Variants in NBAS observed in about 807,000 individuals in gnomAD.
NBAS encodes NAG/BC035112 fusion.
NBAS carries 219 observed loss-of-function variants against 302.5 expected under a neutral mutation model. That is an observed-to-expected ratio of 0.72 (90% confidence interval 0.65 to 0.81). The LOEUF (loss-of-function observed/expected upper bound fraction) is 0.81. Ranked by LOEUF, NBAS falls within the 30% of genes least tolerant of loss-of-function variation. The probability of loss-of-function intolerance (pLI) is 0.00; values close to 1 mark genes in which losing one functional copy is unlikely to be tolerated. For missense variants in NBAS, 2,932 were observed against 2,841.6 expected, an observed-to-expected ratio of 1.03 and a Z score of -0.72; for synonymous variants, 1,118 against 1,021.6, an observed-to-expected ratio of 1.09 and a Z score of -1.80.
intron 35 of NBAS, among the ~76,000 whole-genome samples, chr2:15,337,963 C>T (rs1005030597): frequency 6.6e-6 from 1 of 152,170 alleles, no homozygotes; most frequent in Non-Finnish European, 1.5e-5. Flanking sequence ...CTCAAAACCA[C>T]GTCATTGGTT....
intron 25 of NBAS, among the ~76,000 whole-genome samples, chr2:15,403,864 C>CGTGTGTGTGTGT (rs10624311): frequency 1.2e-3 from 162 of 135,436 alleles, no homozygotes; most frequent in East Asian, 1.9e-3. Flanking sequence ...TTCCTTCCTT[C>CGTGTGTGTGTGT]GTGTGTGTGT....
At chr2:15,445,595 T>C (rs1250792904) in intron 21 of NBAS, among the ~76,000 whole-genome samples, 3 of 151,688 alleles carry the variant, frequency 2.0e-5, no homozygotes, top group South Asian at 2.1e-4. Context: ...GCATGGCACA[T>C]GTATACATAT....
chr2:15,108,036 A>G, the NBAS span, among the ~76,000 whole-genome samples: 1 of 152,044 alleles, frequency 6.6e-6, no homozygotes, highest in East Asian at 1.9e-4. Context: ...TTTTATTGCT[A>G]ATTAGAGTTC....
chr2:15,310,125 T>C (rs1291946315), intron 38 of NBAS, among the ~76,000 whole-genome samples: 1 of 152,216 alleles, frequency 6.6e-6, no homozygotes, highest in Admixed American at 6.5e-5. Flanking sequence ...CTCCCAATTA[T>C]GTCTTACTTA....
chr2:15,200,655 A>AT (rs1665832309), intron 48 of NBAS, among the ~76,000 whole-genome samples: 1 of 152,158 alleles, frequency 6.6e-6, no homozygotes, highest in Non-Finnish European at 1.5e-5. Flanking sequence ...ACATAAGAAT[A>AT]TTTTTTTCCC....
chr2:15,113,005 A>G, the NBAS span, among the ~76,000 whole-genome samples: 3 of 152,164 alleles, frequency 2.0e-5, no homozygotes, highest in East Asian at 1.9e-4. Flanking sequence ...TTGCTCTGAC[A>G]ACATAGACAT....
At chr2:15,376,417 T>C (rs1169511474) in intron 30 of NBAS, among the ~76,000 whole-genome samples, 1 of 152,164 alleles carries the variant, frequency 6.6e-6, no homozygotes, top group Non-Finnish European at 1.5e-5. Context: ...TGAGGTGAAA[T>C]ACAATTCCCA....
At chr2:14,840,951 C>A in the NBAS span, among the ~76,000 whole-genome samples, 1 of 151,842 alleles carries the variant, frequency 6.6e-6, no homozygotes. Flanking sequence ...GACAAATCTA[C>A]CAAAAACAAT....
the NBAS span, among the ~76,000 whole-genome samples, chr2:15,131,587 A>AT: frequency 7.2e-5 from 11 of 152,146 alleles, no homozygotes; most frequent in Admixed American, 7.2e-4. Flanking sequence ...TCTTTAACTC[A>AT]TTTTTTTAAA....
chr2:15,084,150 G>C, the NBAS span, among the ~76,000 whole-genome samples: 1 of 151,974 alleles, frequency 6.6e-6, no homozygotes, highest in Non-Finnish European at 1.5e-5. Context: ...CTGGGCTCAA[G>C]TAATCCTCCC....
downstream of NBAS, among the ~76,000 whole-genome samples, chr2:15,165,479 T>A (rs1350599874): frequency 1.3e-5 from 2 of 152,182 alleles, no homozygotes; most frequent in African/African-American, 4.8e-5. Flanking sequence ...AGTGAGCAAT[T>A]ACATAATAAG....
At chr2:15,179,452 AT>A (rs1664718898) in intron 50 of NBAS, 1 of 296,370 alleles carries the variant, frequency 3.4e-6, no homozygotes, top group African/African-American at 2.2e-5. Flanking sequence ...GTATGTATTT[AT>A]AGCTCCTTTG....
intron 9 of NBAS, among the ~76,000 whole-genome samples, chr2:15,529,489 C>G (rs1442456149): frequency 6.6e-6 from 1 of 152,034 alleles, no homozygotes; most frequent in Non-Finnish European, 1.5e-5. Flanking sequence ...GAGACCCTCT[C>G]TCAAATAAAT....
chr2:15,385,264 G>A (rs1675230866), intron 28 of NBAS, among the ~76,000 whole-genome samples: 1 of 152,144 alleles, frequency 6.6e-6, no homozygotes, highest in Admixed American at 6.5e-5. Flanking sequence ...CTTTCAGATT[G>A]CTTACAGGCA....
Position 15,433,673 on chromosome 2 carries a change from G to A in NBAS, c.2340-5879C>T, listed in dbSNP as rs77369946. The stretch of plus-strand genomic sequence containing the variant: ...AAAAGGCATTGTCTCTGTCCCAAAC[G>A]CTTCAAACCAAGTTTTAAAATTAGT... On this transcript the variant is annotated intron_variant, in intron 21 of 51. Coordinates refer to ENST00000281513, the MANE Select transcript of NBAS (RefSeq NM_015909.4). 4.6e-3 allele frequency among the ~76,000 whole-genome samples: 699 copies of A among 152,204 alleles called. 14 individuals carry two copies. In the East Asian group the frequency reaches 0.059, roughly 13 times the overall value.
chr2:15,181,176 T>G (rs1459519781), intron 50 of NBAS, among the ~76,000 whole-genome samples: 1 of 152,198 alleles, frequency 6.6e-6, no homozygotes, highest in Non-Finnish European at 1.5e-5. Context: ...ATTTGCTCAC[T>G]CAAAAAGTTA....
the NBAS span, among the ~76,000 whole-genome samples, chr2:14,989,293 ATGTG>A: frequency 4.8e-3 from 712 of 148,120 alleles, 2 homozygotes; most frequent in African/African-American, 0.012. Context: ...ATGTATGTGT[ATGTG>A]TGTGTGTGTG....
the NBAS span, among the ~76,000 whole-genome samples, chr2:15,066,739 C>T: frequency 0.51 from 76,918 of 151,618 alleles, 21,728 homozygotes; most frequent in Non-Finnish European, 0.62. Flanking sequence ...CACTTGTACA[C>T]TGTTAATTTT....
the NBAS span, among the ~76,000 whole-genome samples, chr2:14,878,166 T>C: frequency 6.6e-6 from 1 of 152,188 alleles, no homozygotes; most frequent in African/African-American, 2.4e-5. Flanking sequence ...TATTGCCTAC[T>C]TCCTCAGAAC....
Sources: gnomAD v4.1 joint callset for allele counts (sites outside exome capture counted in the v4.1 genomes callset) on GRCh38, gnomAD v4.1.1 for gene constraint, MANE v1.5 for transcripts, NCBI Gene and HGNC (gene_info 2026-07-23, HGNC 2026-07-21) for gene names.